The following TTC12 variants were observed in gnomAD, a reference collection of about 807,000 sequenced individuals.
TTC12 encodes tetratricopeptide repeat domain 12, also known as tetratricopeptide repeat protein 12.
TTC12 carries 70 observed loss-of-function variants against 90.1 expected under a neutral mutation model. The ratio of observed to expected loss-of-function variants is 0.78; its 90% CI spans 0.64 to 0.95. The LOEUF is 0.95. Ranked by LOEUF, TTC12 falls within the 40% of genes least tolerant of loss-of-function variation. The pLI is 0.00. For synonymous variants in TTC12, 296 were observed against 311.5 expected (o/e 0.95, Z 0.53); for missense variants, 819 against 846.1 (o/e 0.97, Z 0.40).
At position 113,325,530 on chromosome 11, in the gene TTC12, A is replaced by G. The variant is rs112283755; in HGVS notation, c.329A>G (p.Lys110Arg). ...RENKVLADALKEKGNEAFAEG... is the reference protein window; with the variant it reads ...RENKVLADALREKGNEAFAEG... Reference sequence around the variant, plus strand: ...GTAACTTATATTCCCATAGCCCTAAAAGAAAAAGGGAATGAAGCATTTGCT... The same window carrying G: ...GTAACTTATATTCCCATAGCCCTAAGAGAAAAAGGGAATGAAGCATTTGCT... The change falls in exon 6 of 22, where the codon AAA (lysine) becomes AGA (arginine). Residue 110 changes from lysine to arginine, a missense_variant. Lys to Arg is a conservative substitution (Grantham distance 26). Coordinates refer to ENST00000529221, the MANE Select transcript of TTC12 (RefSeq NM_017868.4). 795 of 1,613,866 alleles carry G rather than the reference A, an allele frequency of 4.9e-4. 2 individuals carry two copies. In the African/African-American group the frequency reaches 8.9e-3, roughly 18 times the overall value.
chr11:113,345,479 A>G (rs2138013809), intron 13 of TTC12, among the ~76,000 whole-genome samples: 1 of 152,306 alleles, frequency 6.6e-6, no homozygotes, highest in East Asian at 1.9e-4. Flanking sequence ...CAAACCTGCT[A>G]CAACTGGCTC....
At chr11:113,336,957 T>C (rs1948404470) in intron 8 of TTC12, among the ~76,000 whole-genome samples, 1 of 152,228 alleles carries the variant, frequency 6.6e-6, no homozygotes, top group Non-Finnish European at 1.5e-5. Flanking sequence ...ATCTAAACAA[T>C]ATTAAGTCCT....
intron 13 of TTC12, 127 bp downstream of exon 13, chr11:113,344,567 A>G: frequency 1.0e-6 from 1 of 998,766 alleles, no homozygotes; most frequent in South Asian, 1.6e-5. Context: ...AGAGCCTTTG[A>G]CAAGAGTGCT....
At chr11:113,365,191 A>G (rs988576484) in intron 21 of TTC12, 131 bp downstream of exon 21, 28 of 794,758 alleles carry the variant, frequency 3.5e-5, no homozygotes, top group Admixed American at 3.5e-4. Flanking sequence ...GTGCAGACCT[A>G]GGTTAAGCCC....
chr11:113,369,329 C>G (rs969198531), downstream of TTC12, among the ~76,000 whole-genome samples: 4 of 152,002 alleles, frequency 2.6e-5, no homozygotes, highest in East Asian at 7.7e-4. Context: ...CCATGTTGAC[C>G]AGGCTGGTCT....
At chr11:113,364,463 G>T (rs2138085461) in intron 20 of TTC12, 1 of 306,584 alleles carries the variant, frequency 3.3e-6, no homozygotes, top group Non-Finnish European at 6.3e-6. Context: ...CCCTGCAGGT[G>T]TAGGTTGCTG....
chr11:113,335,742 A>C (rs7109196), intron 8 of TTC12, among the ~76,000 whole-genome samples: 33,822 of 152,078 alleles, frequency 0.22, 4,404 homozygotes, highest in East Asian at 0.49. Flanking sequence ...TTTTTGTTGT[A>C]GTGTGTATCA....
intron 2 of TTC12, among the ~76,000 whole-genome samples, chr11:113,320,064 T>C (rs1947205905): frequency 6.6e-6 from 1 of 152,054 alleles, no homozygotes; most frequent in South Asian, 2.1e-4. Context: ...AACAACATAT[T>C]CCATAAAAAC....
chr11:113,323,960 G>C (rs371227852), intron 3 of TTC12, 34 bp from the exon 4 acceptor site: 354 of 1,581,584 alleles, frequency 2.2e-4, no homozygotes, highest in Non-Finnish European at 2.6e-4. Context: ...TTTGAAATTT[G>C]TTTCTTTGTT....
intron 13 of TTC12, among the ~76,000 whole-genome samples, chr11:113,346,855 T>C (rs1463439522): frequency 6.6e-6 from 1 of 152,190 alleles, no homozygotes; most frequent in Non-Finnish European, 1.5e-5. Flanking sequence ...GTATATTGTT[T>C]AGGGTCCTAA....
intron 13 of TTC12, 99 bp from the exon 14 acceptor site, chr11:113,349,974 G>A (rs1490903591): frequency 2.3e-5 from 22 of 939,316 alleles, no homozygotes; most frequent in African/African-American, 3.3e-5. Context: ...TATTTCACCC[G>A]GATGCTGACT....
rs1555155699 is a variant in TTC12 at position 113,362,521 on chromosome 11, T to C, written c.1716+19T>C. 1 of 1,499,836 alleles carries C rather than the reference T, an allele frequency of 6.7e-7. No individual in the cohort carries two copies. 92.9% of individuals were successfully genotyped at this position (1,499,836 alleles called of 1,614,324 possible). ...CCTGAAGGTAAGATCACTTTATTGG[T>C]TACAACCCCTGAAATGTACAGAAGT... On this transcript the variant is annotated intron_variant, in intron 19 of 21. Transcript: ENST00000529221.
downstream of TTC12, among the ~76,000 whole-genome samples, chr11:113,369,873 CCCCT>C (rs1177152911): frequency 1.3e-5 from 2 of 152,150 alleles, no homozygotes; most frequent in Non-Finnish European, 2.9e-5. Context: ...CATTATCTGC[CCCCT>C]CCCACCCTCA....
downstream of TTC12, among the ~76,000 whole-genome samples, chr11:113,370,163 A>G (rs761020442): frequency 4.6e-5 from 7 of 152,228 alleles, no homozygotes; most frequent in Non-Finnish European, 8.8e-5. Context: ...ATGGGCATCA[A>G]CAGGACCCAG....
chr11:113,354,595 G>A (rs1555151757), intron 16 of TTC12, among the ~76,000 whole-genome samples: 1 of 152,138 alleles, frequency 6.6e-6, no homozygotes, highest in African/African-American at 2.4e-5. Flanking sequence ...TTGGCCATGG[G>A]TCTGTCATAG....
At chr11:113,323,565 G>C (rs1947485242) in intron 3 of TTC12, 114 bp downstream of exon 3, 4 of 661,254 alleles carry the variant, frequency 6.0e-6, no homozygotes, top group Middle Eastern at 8.8e-4. Context: ...TTGTTTCTTA[G>C]ATTTATTTTT....
At chr11:113,364,474 GCACA>G in intron 20 of TTC12, 1 of 307,342 alleles carries the variant, frequency 3.3e-6, no homozygotes, top group South Asian at 3.6e-5. Context: ...TAGGTTGCTG[GCACA>G]TTGCCTCCAC....
intron 2 of TTC12, among the ~76,000 whole-genome samples, chr11:113,317,810 A>ACC (rs1947039570): frequency 6.6e-6 from 1 of 151,664 alleles, no homozygotes; most frequent in Non-Finnish European, 1.5e-5. Context: ...CTTTTTTTTT[A>ACC]ACCTGGCTAA....
rs782138110 is a variant in TTC12, at chr11:113,340,719, C to T, written c.882C>T (p.Asn294=). Residue 294 remains asparagine (N), a synonymous_variant, in exon 11 of 22, where the codon AAC becomes AAT. Transcript: ENST00000529221. ...MHNGFSIISD[N]EVIRRCFSTA... is the part of the protein sequence containing the mutation. The stretch of plus-strand genomic sequence containing the variant: ...ATGGATTTAGTATCATCAGTGACAA[C>T]GAGGTCATAAGAAGGTAGGGATGTT... 1.4e-5 allele frequency: 23 copies of T among 1,613,730 alleles called. No homozygotes were observed. Among genetic ancestry groups the T allele is most frequent in the Admixed American group, 1.3e-4 (8 of 60,006 alleles).
Sources: gnomAD v4.1 joint callset for allele counts (sites outside exome capture counted in the v4.1 genomes callset) on GRCh38, gnomAD v4.1.1 for gene constraint, MANE v1.5 for transcripts, NCBI Gene and HGNC (gene_info 2026-07-23, HGNC 2026-07-21) for gene names.